The following CLBA1 variants were observed in gnomAD, a reference collection of about 807,000 sequenced individuals.
CLBA1 encodes the protein clathrin binding box of aftiphilin containing 1.
A neutral mutation model predicts 28.8 loss-of-function variants in CLBA1; 30 were observed. The observed-to-expected ratio is 1.04, with a 90% CI of 0.78 to 1.41. CLBA1 has a LOEUF of 1.41. CLBA1 is among the 40% of genes most tolerant of loss of function. The pLI, the probability that CLBA1 is intolerant of heterozygous loss-of-function variation, is 0.00. For synonymous variants in CLBA1, 160 were observed against 152.8 expected (o/e 1.05, Z -0.35); for missense variants, 451 against 412.3 (o/e 1.09, Z -0.81).
At chr14:105,000,274 T>C (rs1947455494), downstream of CLBA1, among the ~76,000 whole-genome samples, 1 of 150,704 alleles carries the variant, frequency 6.6e-6, no homozygotes, top group Admixed American at 6.6e-5. Flanking sequence ...AACAGACATT[T>C]TTTCTTTCTT....
Position 104,986,407 on chromosome 14 carries a change from C to T in CLBA1, c.-25C>T, listed in dbSNP as rs1045239321. 1 of 1,605,966 alleles carries T rather than the reference C, an allele frequency of 6.2e-7. No homozygotes were observed. Among genetic ancestry groups the T allele is most frequent in the South Asian group, 1.1e-5 (1 of 90,654 alleles). ...GTCTCCTGAGCAGCTGCCCATCGGG[C>T]CTCTGCTGGCCTGGGGGCTCCAAGA... is the stretch of plus-strand genomic sequence containing the variant. On this transcript the variant is annotated 5_prime_UTR_variant, in exon 1 of 5. Coordinates refer to ENST00000547315, the MANE Select transcript of CLBA1 (RefSeq NM_174891.4).
chr14:104,994,514 A>C, intron 4 of CLBA1, 84 bp from the exon 5 acceptor site: 1 of 1,497,290 alleles, frequency 6.7e-7, no homozygotes, highest in Non-Finnish European at 8.8e-7. Context: ...GCCGAGAGGC[A>C]GGGGGCGGCC....
Position 104,992,293 on chromosome 14 carries a change from G to A in CLBA1, c.700-655G>A, listed in dbSNP as rs933850614. 4.6e-5 allele frequency among the ~76,000 whole-genome samples: 7 copies of A among 152,346 alleles called. No homozygotes were observed. The East Asian group carries it at 7.7e-4, about 17-fold the overall frequency. ...GCGCCACTGCCACGCACAGACTGCCGTGCACGTGCTCAAGCTCCTGGGCTG... is the reference window on the plus strand; with the variant it reads ...GCGCCACTGCCACGCACAGACTGCCATGCACGTGCTCAAGCTCCTGGGCTG... On this transcript the variant is annotated intron_variant, in intron 3 of 4. Transcript: ENST00000547315.
At chr14:104,991,375 C>T (rs1900013785) in intron 2 of CLBA1, 116 bp from the exon 3 acceptor site, 6 of 1,261,110 alleles carry the variant, frequency 4.8e-6, no homozygotes, top group Admixed American at 2.0e-5. Flanking sequence ...TTGGCTTGTG[C>T]GCGTCTCGGC....
chr14:104,986,407 C>G lies in CLBA1; in HGVS notation c.-25C>G, dbSNP rs1045239321. 2 of 1,605,848 alleles carry G rather than the reference C, an allele frequency of 1.2e-6. No individual in the cohort carries two copies. Among genetic ancestry groups the G allele is most frequent in the African/African-American group, 2.7e-5 (2 of 74,840 alleles). Reference sequence around the variant, plus strand: ...GTCTCCTGAGCAGCTGCCCATCGGGCCTCTGCTGGCCTGGGGGCTCCAAGA... The same window carrying G: ...GTCTCCTGAGCAGCTGCCCATCGGGGCTCTGCTGGCCTGGGGGCTCCAAGA... On this transcript the variant is annotated 5_prime_UTR_variant, in exon 1 of 5. Transcript: ENST00000547315.
Position 104,985,955 on chromosome 14 carries a change from T to C in CLBA1, c.-477T>C. On this transcript the variant is annotated 5_prime_UTR_variant, in exon 1 of 5. Coordinates refer to ENST00000547315, the MANE Select transcript of CLBA1 (RefSeq NM_174891.4). ...TCGGGCCCTGTCCAGGCCCAGGCGTTCCAGGGCTGCTCTGCGGGCCGCGTG... is the reference window on the plus strand; with the variant it reads ...TCGGGCCCTGTCCAGGCCCAGGCGTCCCAGGGCTGCTCTGCGGGCCGCGTG... 4.8e-6 allele frequency: 1 copy of C among 209,698 alleles called. No individual in the cohort carries two copies. Among genetic ancestry groups the C allele is most frequent in the Admixed American group, 5.4e-5 (1 of 18,674 alleles). 13.0% of individuals were successfully genotyped at this position (209,698 alleles called of 1,614,324 possible). A position where few individuals can be genotyped will look rare whatever the true frequency, so the allele number is the denominator to read the frequency against.
intron 1 of CLBA1, 38 bp downstream of exon 1, chr14:104,986,892 A>T: frequency 6.3e-7 from 1 of 1,597,102 alleles, no homozygotes; most frequent in Non-Finnish European, 8.5e-7. Context: ...GTTGAGTGGG[A>T]CGTGTACACA....
chr14:104,987,951 A>C (rs1017713946), intron 1 of CLBA1, among the ~76,000 whole-genome samples: 6 of 151,842 alleles, frequency 4.0e-5, no homozygotes, highest in African/African-American at 1.5e-4. Flanking sequence ...TGTTTTCTGA[A>C]GCAGTTTCCC....
At chr14:104,992,503 G>C (rs1184522783) in intron 3 of CLBA1, among the ~76,000 whole-genome samples, 1 of 152,254 alleles carries the variant, frequency 6.6e-6, no homozygotes, top group African/African-American at 2.4e-5. Flanking sequence ...TGGCCCATGG[G>C]CCACATTGGG....
chr14:104,991,908 C>T (rs998145881), intron 3 of CLBA1, among the ~76,000 whole-genome samples: 5 of 152,184 alleles, frequency 3.3e-5, no homozygotes, highest in Admixed American at 6.5e-5. Flanking sequence ...TGTGTGTGCA[C>T]TCATGCCACT....
At chr14:105,000,290 CTTTT>C (rs56848266), downstream of CLBA1, among the ~76,000 whole-genome samples, 2 of 145,254 alleles carry the variant, frequency 1.4e-5, no homozygotes, top group South Asian at 2.2e-4. Flanking sequence ...TTCTTTCTTT[CTTTT>C]TTTTTTTTGC....
intron 4 of CLBA1, 139 bp downstream of exon 4, chr14:104,993,203 T>G: frequency 6.6e-7 from 1 of 1,504,276 alleles, no homozygotes; most frequent in Non-Finnish European, 8.8e-7. Flanking sequence ...AACAAACATT[T>G]GTGCTATTTA....
At chr14:104,989,139 T>TTGATAAAAGTAGGTGTG in intron 2 of CLBA1, 51 bp downstream of exon 2, 1 of 1,569,696 alleles carries the variant, frequency 6.4e-7, no homozygotes, top group Non-Finnish European at 8.7e-7. Context: ...GTACTTTTGT[T>TTGATAAAAGTAGGTGTG]TGATAAAAGT....
In CLBA1 at chr14:104,986,604, G is replaced by A. The variant is rs142255517; in HGVS notation, c.173G>A (p.Arg58His). 931 of 1,614,060 alleles carry A rather than the reference G, an allele frequency of 5.8e-4. 14 individuals carry two copies. In the East Asian group the frequency reaches 0.018, roughly 31 times the overall value. ...SDGKASISMP[R>H]EGGSTCTARC... is the part of the protein sequence containing the mutation. ...GGGAAAGCCAGCATCTCCATGCCCC[G>A]TGAGGGCGGTTCCACCTGCACTGCC... Residue 58 changes from arginine (R) to histidine (H), a missense_variant, in exon 1 of 5, where the codon CGT becomes CAT. Coordinates refer to ENST00000547315, the MANE Select transcript of CLBA1 (RefSeq NM_174891.4).
intron 1 of CLBA1, 94 bp from the exon 2 acceptor site, chr14:104,988,849 A>G (rs1192621218): frequency 2.3e-6 from 3 of 1,299,370 alleles, no homozygotes; most frequent in Non-Finnish European, 3.2e-6. Flanking sequence ...TCAATTACAA[A>G]TTTCATTTCT....
Position 104,989,107 on chromosome 14 carries a change from A to C in CLBA1, c.569+19A>C. ...AATTGTGGTAATGAACTGAAGAAAT[A>C]TTTCTTACAGCAACTGCTTTTGTAC... On this transcript the variant is annotated intron_variant, in intron 2 of 4. Coordinates refer to ENST00000547315, the MANE Select transcript of CLBA1 (RefSeq NM_174891.4). 1 of 1,597,050 alleles carries C rather than the reference A, an allele frequency of 6.3e-7. No individual in the cohort carries two copies. The highest frequency in any genetic ancestry group is 8.5e-7 in the Non-Finnish European group (1 of 1,171,690).
At chr14:105,001,234 G>T (rs1900261734) in intron 2 of CLBA1, among the ~76,000 whole-genome samples, 1 of 152,218 alleles carries the variant, frequency 6.6e-6, no homozygotes, top group Admixed American at 6.5e-5. Flanking sequence ...GGTGGCTCAT[G>T]CCTGTAATCC....
At chr14:104,990,683 T>G (rs1357917169) in intron 2 of CLBA1, 2 of 152,384 alleles carry the variant, frequency 1.3e-5, no homozygotes. Flanking sequence ...AGCAGTGACG[T>G]GTGGCACATA....
chr14:104,995,605 CCTGG>C (rs1344196797), downstream of CLBA1: 3 of 678,044 alleles, frequency 4.4e-6, no homozygotes, highest in African/African-American at 4.0e-5. Context: ...AAGCAGCCAC[CCTGG>C]CTGTCTCTTT....
Sources: allele counts gnomAD v4.1 joint callset (sites outside exome capture counted in the v4.1 genomes callset), GRCh38; gene constraint gnomAD v4.1.1; transcripts MANE v1.5; gene names NCBI Gene and HGNC (gene_info 2026-07-23, HGNC 2026-07-21).